Variants in LRRCC1 observed in about 807,000 individuals in gnomAD.
LRRCC1 encodes leucine rich repeat and coiled-coil centrosomal protein 1, also known as leucine-rich repeat and coiled-coil domain-containing protein 1.
Under a neutral mutation model 126.0 loss-of-function variants are expected in LRRCC1, and 115 were observed. The observed-to-expected ratio is 0.91, with a 90% CI of 0.78 to 1.07. LRRCC1 has a LOEUF of 1.07. Among genes scored for constraint, LRRCC1 ranks in the 50% least tolerant of loss-of-function variants. LRRCC1 has a pLI of 0.00. For missense variants in LRRCC1, 1,172 were observed against 1,175.7 expected, an observed-to-expected ratio of 1.00 and a Z score of 0.05; for synonymous variants, 400 against 393.4, an observed-to-expected ratio of 1.02 and a Z score of -0.20.
intron 9 of LRRCC1, among the ~76,000 whole-genome samples, chr8:85,128,833 C>T (rs1391299363): frequency 6.6e-6 from 1 of 152,158 alleles, no homozygotes; most frequent in East Asian, 1.9e-4. Flanking sequence ...TTTCTCCTAT[C>T]CCACAACCAG....
chr8:85,111,435 A>G (rs1808712756), intron 3 of LRRCC1, among the ~76,000 whole-genome samples: 1 of 152,258 alleles, frequency 6.6e-6, no homozygotes, highest in Non-Finnish European at 1.5e-5. Flanking sequence ...TGTAATGTTT[A>G]GCAAGGTGTT....
intron 8 of LRRCC1, among the ~76,000 whole-genome samples, chr8:85,126,283 G>T (rs554326202): frequency 6.6e-6 from 1 of 152,114 alleles, no homozygotes; most frequent in East Asian, 1.9e-4. Flanking sequence ...TTGGCCCGGC[G>T]CAGTGGCTCA....
chr8:85,126,945 G>T, intron 9 of LRRCC1, 108 bp downstream of exon 9: 2 of 951,984 alleles, frequency 2.1e-6, no homozygotes, highest in African/African-American at 1.6e-5. Flanking sequence ...CAATGTATGT[G>T]GTTTTAGTTT....
At chr8:85,107,604 G>A (rs919617592) in intron 1 of LRRCC1, 9 of 467,054 alleles carry the variant, frequency 1.9e-5, no homozygotes, top group Non-Finnish European at 3.0e-5. Flanking sequence ...CTTCCCGCCC[G>A]TGTCTCCTGC....
At position 85,109,623 on chromosome 8, in the gene LRRCC1, C is replaced by T. The variant is rs1246596732; in HGVS notation, c.133C>T (p.Leu45Phe). 12 of 1,608,274 alleles carry T rather than the reference C, an allele frequency of 7.5e-6. No homozygotes were observed. Among genetic ancestry groups the T allele is most frequent in the Non-Finnish European group, 1.0e-5 (12 of 1,175,936 alleles). The change falls in exon 2 of 19, where the codon CTT becomes TTT. Residue 45 changes from leucine (L) to phenylalanine (F), a missense_variant. By Grantham distance (22) the Leu-to-Phe change is conservative (BLOSUM62 0). Coordinates refer to ENST00000360375, the MANE Select transcript of LRRCC1 (RefSeq NM_033402.5). ...SISELSLDST[L>F]HAVNLHCNNI... ...ATCAGAATTATCTTTAGATTCAACT[C>T]TTCATGCCGTCAATCTTCATTGCAA...
Position 85,115,664 on chromosome 8 carries a change from A to G in LRRCC1, c.930+80A>G, listed in dbSNP as rs1041050801. The G allele has an allele frequency of 1.9e-5, 19 of 997,166 alleles. No individual in the cohort carries two copies. The African/African-American group carries it at 2.6e-4, about 14-fold the overall frequency. 61.8% of individuals were successfully genotyped at this position (997,166 alleles called of 1,614,324 possible). On this transcript the variant is annotated intron_variant, in intron 6 of 18. Coordinates refer to ENST00000360375, the MANE Select transcript of LRRCC1 (RefSeq NM_033402.5). Reference sequence around the variant, plus strand: ...AGAAAATGTAAAATAAAAATTATGTACTAGCTGACCAACCTATTTTAGTGC... The same window carrying G: ...AGAAAATGTAAAATAAAAATTATGTGCTAGCTGACCAACCTATTTTAGTGC...
In LRRCC1 at chr8:85,134,985, C is replaced by A; in HGVS notation, c.2107C>A (p.Leu703Met). The stretch of plus-strand genomic sequence containing the variant: ...TATGGTAAAGGAACAAAAAACAAAA[C>A]TGGCAGAAGTTTCTAAATTGAAACA... ...TCMVKEQKTK[L>M]AEVSKLKQET... Residue 703 changes from leucine to methionine, a missense_variant, in exon 13 of 19, where the codon CTG becomes ATG. By Grantham distance (15) the Leu-to-Met change is conservative. Coordinates refer to ENST00000360375, the MANE Select transcript of LRRCC1 (RefSeq NM_033402.5). 1 of 1,551,714 alleles carries A rather than the reference C, an allele frequency of 6.4e-7. No homozygotes were observed. Among genetic ancestry groups the A allele is most frequent in the Non-Finnish European group, 8.6e-7 (1 of 1,160,100 alleles).
At chr8:85,126,866 A>G (rs1160843020) in intron 9 of LRRCC1, 29 bp downstream of exon 9, 3 of 1,564,210 alleles carry the variant, frequency 1.9e-6, no homozygotes, top group African/African-American at 2.7e-5. Context: ...ACCTGAAGAT[A>G]CCTCATAGCA....
In LRRCC1 at chr8:85,136,108, C is replaced by G; in HGVS notation, c.2329+145C>G. On this transcript the variant is annotated intron_variant, in intron 14 of 18. Coordinates refer to ENST00000360375, the MANE Select transcript of LRRCC1 (RefSeq NM_033402.5). ...ATCTGGAAGGATAAGTAGGCATTTG[C>G]CAGCTACAGGGGAATGAAGACCTCT... 3 of 565,430 alleles carry G rather than the reference C, an allele frequency of 5.3e-6. No homozygotes were observed. The South Asian group carries it at 1.6e-4, about 31-fold the overall frequency. 35.0% of individuals were successfully genotyped at this position (565,430 alleles called of 1,614,324 possible).
chr8:85,123,614 T>C lies in LRRCC1; in HGVS notation c.1124+8T>C. The C allele has an allele frequency of 2.6e-6, 4 of 1,554,324 alleles. No homozygotes were observed. Among genetic ancestry groups the C allele is most frequent in the Non-Finnish European group, 3.5e-6 (4 of 1,155,022 alleles). On this transcript the variant is annotated splice_region_variant and intron_variant, in intron 7 of 18. Transcript: ENST00000360375. The stretch of plus-strand genomic sequence containing the variant: ...CTACAACTCTTTTGTAAGGTACTTG[T>C]TTTAGTTTTAGAAATTTAAGGCACA...
intron 18 of LRRCC1, among the ~76,000 whole-genome samples, chr8:85,144,444 GTATATATATATATA>G (rs869241784): frequency 8.7e-6 from 1 of 114,932 alleles, no homozygotes; most frequent in African/African-American, 3.7e-5. Flanking sequence ...GTGTGTGTGT[GTATATATATATATA>G]TATATATATA....
chr8:85,126,154 A>T (rs186099993), intron 8 of LRRCC1, among the ~76,000 whole-genome samples: 1 of 152,294 alleles, frequency 6.6e-6, no homozygotes, highest in East Asian at 1.9e-4. Flanking sequence ...ATACTATTTC[A>T]AAAAAGGAAT....
chr8:85,119,290 T>C (rs748498897), intron 6 of LRRCC1, among the ~76,000 whole-genome samples: 6 of 152,138 alleles, frequency 3.9e-5, no homozygotes, highest in Non-Finnish European at 7.4e-5. Context: ...AATGAAAATC[T>C]CTTTCATTAC....
chr8:85,145,580 T>C lies in LRRCC1; in HGVS notation c.*69T>C. 7.8e-7 allele frequency: 1 copy of C among 1,280,438 alleles called. No homozygotes were observed. Among genetic ancestry groups the C allele is most frequent in the Non-Finnish European group, 1.1e-6 (1 of 937,372 alleles). 79.3% of individuals were successfully genotyped at this position (1,280,438 alleles called of 1,614,324 possible). Reference sequence around the variant, plus strand: ...TTGTAAAAATGATTAAATATTGTAATAGTAGTAACTGCTATGACTTTGAAA... The same window carrying C: ...TTGTAAAAATGATTAAATATTGTAACAGTAGTAACTGCTATGACTTTGAAA... On this transcript the variant is annotated 3_prime_UTR_variant, in exon 19 of 19. Transcript: ENST00000360375.
At chr8:85,136,276 ATTC>A (rs1810860089) in intron 14 of LRRCC1, among the ~76,000 whole-genome samples, 5 of 150,456 alleles carry the variant, frequency 3.3e-5, no homozygotes, top group African/African-American at 9.7e-5. Context: ...GTTAAAAATA[ATTC>A]TTTTTTTTTT....
chr8:85,113,666 CTG>C (rs971389910), intron 4 of LRRCC1, among the ~76,000 whole-genome samples: 24 of 152,102 alleles, frequency 1.6e-4, no homozygotes, highest in African/African-American at 5.8e-4. Context: ...AACTAGGTAA[CTG>C]GAGATTAAGA....
At chr8:85,128,109 G>A (rs1810153848) in intron 9 of LRRCC1, among the ~76,000 whole-genome samples, 1 of 152,098 alleles carries the variant, frequency 6.6e-6, no homozygotes. Flanking sequence ...TGTAGGAGTT[G>A]TTTTTAATTT....
chr8:85,111,872 GTT>G (rs777322936), intron 3 of LRRCC1, among the ~76,000 whole-genome samples: 7 of 139,734 alleles, frequency 5.0e-5, no homozygotes, highest in Admixed American at 7.2e-5. Context: ...AAGGAGTTTT[GTT>G]TTTTTTTTTT....
intron 18 of LRRCC1, among the ~76,000 whole-genome samples, chr8:85,144,919 A>T (rs1029648823): frequency 6.0e-5 from 9 of 149,498 alleles, no homozygotes; most frequent in South Asian, 2.1e-4. Context: ...AAATAAAAAA[A>T]AAATAAAAAA....
Sources: gnomAD v4.1 joint callset for allele counts (sites outside exome capture counted in the v4.1 genomes callset) on GRCh38, gnomAD v4.1.1 for gene constraint, MANE v1.5 for transcripts, NCBI Gene and HGNC (gene_info 2026-07-23, HGNC 2026-07-21) for gene names.